Variants in BANK1 observed in about 807,000 individuals in gnomAD.
BANK1 encodes B-cell scaffold protein with ankyrin repeats.
In BANK1, 95 loss-of-function variants were observed where a neutral mutation model predicts 94.5. The ratio of observed to expected loss-of-function variants is 1.00; its 90% CI spans 0.85 to 1.19. The LOEUF (loss-of-function observed/expected upper bound fraction) is 1.19. BANK1 is among the 50% of genes most tolerant of loss of function. The probability of loss-of-function intolerance (pLI) is 0.00; values close to 1 mark genes in which losing one functional copy is unlikely to be tolerated. For synonymous variants in BANK1, 334 were observed against 308.4 expected, an observed-to-expected ratio of 1.08 and a Z score of -0.87; for missense variants, 987 against 932.2, an observed-to-expected ratio of 1.06 and a Z score of -0.77.
chr4:101,992,932 A>G (rs1447152320), intron 7 of BANK1, among the ~76,000 whole-genome samples: 2 of 152,202 alleles, frequency 1.3e-5, no homozygotes, highest in East Asian at 3.8e-4. Context: ...CCTAGGATTC[A>G]GGACTTTCAG....
At chr4:101,849,724 T>C (rs1009390874) in intron 2 of BANK1, among the ~76,000 whole-genome samples, 2 of 152,184 alleles carry the variant, frequency 1.3e-5, no homozygotes, top group African/African-American at 4.8e-5. Flanking sequence ...AAAGCTTATA[T>C]AAAAAGGAAA....
chr4:102,030,212 C>A lies in BANK1; in HGVS notation c.1847C>A (p.Pro616His). 1 of 1,612,636 alleles carries A rather than the reference C, an allele frequency of 6.2e-7. No homozygotes were observed. Among genetic ancestry groups the A allele is most frequent in the Non-Finnish European group, 8.5e-7 (1 of 1,179,618 alleles). The change falls in exon 10 of 17, where the codon CCC becomes CAC. Residue 616 changes from proline (P) to histidine (H), a missense_variant. By Grantham distance (77) the Pro-to-His change is moderately conservative (BLOSUM62 -2). Coordinates refer to ENST00000322953, the MANE Select transcript of BANK1 (RefSeq NM_017935.5). ...ATAAATAGACCTCCTGCCCCCACAC[C>A]CCGACCCACAAGTATACCTCCAAAA... ...FIINRPPAPTPRPTSIPPKEE... is the reference protein window; with the variant it reads ...FIINRPPAPTHRPTSIPPKEE...
intron 7 of BANK1, among the ~76,000 whole-genome samples, chr4:101,932,310 A>T (rs928561910): frequency 6.6e-5 from 10 of 151,538 alleles, no homozygotes; most frequent in Non-Finnish European, 1.0e-4. Flanking sequence ...ATTAAATAGA[A>T]TTTGAATAAT....
chr4:102,052,367 C>T (rs577666748), intron 11 of BANK1, among the ~76,000 whole-genome samples: 3 of 152,032 alleles, frequency 2.0e-5, no homozygotes, highest in East Asian at 1.9e-4. Context: ...CCACCCACCT[C>T]GGCCTCCCAA....
At chr4:101,818,953 A>G (rs562560897) in intron 1 of BANK1, among the ~76,000 whole-genome samples, 1 of 151,542 alleles carries the variant, frequency 6.6e-6, no homozygotes, top group East Asian at 1.9e-4. Flanking sequence ...TCCTACAATA[A>G]TAGTCCTCAT....
chr4:101,847,417 G>T (rs1578353587), intron 2 of BANK1, among the ~76,000 whole-genome samples: 2 of 151,638 alleles, frequency 1.3e-5, no homozygotes, highest in Non-Finnish European at 2.9e-5. Flanking sequence ...AGTTATTGGG[G>T]TGCAGGTGGT....
intron 6 of BANK1, among the ~76,000 whole-genome samples, chr4:101,908,006 A>G (rs1722518754): frequency 6.6e-6 from 1 of 152,206 alleles, no homozygotes; most frequent in Admixed American, 6.5e-5. Flanking sequence ...ATTCAATGCC[A>G]TCCCCATCAA....
chr4:102,027,758 A>G (rs1345958555), intron 9 of BANK1, among the ~76,000 whole-genome samples: 1 of 152,042 alleles, frequency 6.6e-6, no homozygotes, highest in Non-Finnish European at 1.5e-5. Context: ...AGAAACTAAT[A>G]ACATATAATA....
chr4:102,048,396 C>T (rs1727950120), intron 11 of BANK1, among the ~76,000 whole-genome samples: 1 of 152,054 alleles, frequency 6.6e-6, no homozygotes, highest in Admixed American at 6.6e-5. Context: ...TGATTTCATC[C>T]AACCATATTT....
chr4:102,040,367 T>C (rs1188610751), intron 10 of BANK1, among the ~76,000 whole-genome samples: 2 of 152,122 alleles, frequency 1.3e-5, no homozygotes, highest in Non-Finnish European at 2.9e-5. Flanking sequence ...TTCTTTGGGA[T>C]TATTTTAAAC....
intron 7 of BANK1, among the ~76,000 whole-genome samples, chr4:101,947,882 A>C (rs183436004): frequency 6.6e-6 from 1 of 152,164 alleles, no homozygotes; most frequent in East Asian, 1.9e-4. Flanking sequence ...CCTTTCTGTA[A>C]GGGATTTTCT....
At chr4:102,021,477 G>T (rs2148946724) in intron 7 of BANK1, 37 bp from the exon 8 acceptor site, 1 of 939,840 alleles carries the variant, frequency 1.1e-6, no homozygotes, top group African/African-American at 1.7e-5. Context: ...TATTTATTAA[G>T]ATTAATGCAT....
chr4:101,967,144 C>T (rs1386778982), intron 7 of BANK1, among the ~76,000 whole-genome samples: 1 of 151,942 alleles, frequency 6.6e-6, no homozygotes. Context: ...TCAAAGGGGT[C>T]GCAGTTAAAT....
intron 13 of BANK1, among the ~76,000 whole-genome samples, chr4:102,068,827 CA>C (rs35925022): frequency 0.56 from 77,037 of 137,432 alleles, 20,510 homozygotes; most frequent in East Asian, 0.66. Flanking sequence ...GACTCCATCT[CA>C]AAAAAAAAAA....
At chr4:101,906,609 T>G (rs1722459949) in intron 6 of BANK1, among the ~76,000 whole-genome samples, 1 of 152,218 alleles carries the variant, frequency 6.6e-6, no homozygotes, top group Admixed American at 6.5e-5. Context: ...AAACATGCTG[T>G]GTAACCTCTT....
intron 7 of BANK1, among the ~76,000 whole-genome samples, chr4:102,009,035 G>A (rs1326111488): frequency 6.6e-6 from 1 of 152,224 alleles, no homozygotes; most frequent in Non-Finnish European, 1.5e-5. Context: ...CATATGACAT[G>A]GTTTTATAAT....
intron 7 of BANK1, among the ~76,000 whole-genome samples, chr4:102,001,156 C>T (rs1385396769): frequency 6.6e-6 from 1 of 152,192 alleles, no homozygotes; most frequent in Non-Finnish European, 1.5e-5. Flanking sequence ...AAAGGAGCAA[C>T]ACTGAAGTCT....
intron 7 of BANK1, among the ~76,000 whole-genome samples, chr4:101,997,625 C>T (rs961426852): frequency 3.3e-5 from 5 of 151,996 alleles, no homozygotes; most frequent in African/African-American, 9.7e-5. Flanking sequence ...TTCAGGGATT[C>T]GACTTCTTCC....
At chr4:101,929,026 T>C (rs1723255013) in intron 7 of BANK1, among the ~76,000 whole-genome samples, 1 of 151,700 alleles carries the variant, frequency 6.6e-6, no homozygotes, top group Non-Finnish European at 1.5e-5. Flanking sequence ...CATAACAACC[T>C]GCTAACTTTA....
Sources: allele counts gnomAD v4.1 joint callset (sites outside exome capture counted in the v4.1 genomes callset), GRCh38; gene constraint gnomAD v4.1.1; transcripts MANE v1.5; gene names NCBI Gene and HGNC (gene_info 2026-07-23, HGNC 2026-07-21).